Variants in PAK3 observed in about 807,000 individuals in gnomAD.
PAK3 encodes serine/threonine-protein kinase PAK 3.
In PAK3, 4 loss-of-function variants were observed where a neutral mutation model predicts 41.0. The ratio of observed to expected loss-of-function variants is 0.10; its 90% CI spans 0.05 to 0.22. The LOEUF is 0.22. Ranked by LOEUF, PAK3 falls within the 10% of genes least tolerant of loss-of-function variation. The pLI, the probability that PAK3 is intolerant of heterozygous loss-of-function variation, is 1.00. For missense variants in PAK3, 205 were observed against 409.9 expected (o/e 0.50, Z 4.32); for synonymous variants, 146 against 139.6 (o/e 1.05, Z -0.32).
intron 1 of PAK3, among the ~76,000 whole-genome samples, chrX:111,019,190 G>C: frequency 9.0e-6 from 1 of 111,448 alleles, no homozygotes; most frequent in Non-Finnish European, 1.9e-5. Context: ...ATTTGGCAAT[G>C]ATTTATTGTA....
intron 13 of PAK3, among the ~76,000 whole-genome samples, chrX:111,193,127 C>G (rs988817003): frequency 2.7e-5 from 3 of 111,474 alleles, no homozygotes; most frequent in Non-Finnish European, 5.6e-5. Flanking sequence ...AAAGGCAGCA[C>G]TAACTCTTCA....
At chrX:111,023,501 CCCA>C (rs1363678096) in intron 1 of PAK3, among the ~76,000 whole-genome samples, 3 of 112,197 alleles carry the variant, frequency 2.7e-5, no homozygotes, top group African/African-American at 9.7e-5. Flanking sequence ...AATTTACACT[CCCA>C]CCAACAGTGT....
intron 4 of PAK3, among the ~76,000 whole-genome samples, chrX:111,104,168 ACTT>A (rs1333490699): frequency 9.0e-6 from 1 of 111,301 alleles, no homozygotes; most frequent in Non-Finnish European, 1.9e-5. Flanking sequence ...AGGCATTATA[ACTT>A]CTTCTGTCAG....
intron 1 of PAK3, among the ~76,000 whole-genome samples, chrX:111,041,171 A>C (rs2148770520): frequency 8.9e-6 from 1 of 112,844 alleles, no homozygotes; most frequent in African/African-American, 3.2e-5. Context: ...TCTCTGAGAG[A>C]AATGAAGCAA....
At chrX:111,148,180 C>G (rs2093976897) in intron 7 of PAK3, among the ~76,000 whole-genome samples, 1 of 111,888 alleles carries the variant, frequency 8.9e-6, no homozygotes, top group African/African-American at 3.2e-5. Context: ...CACTCAGTCA[C>G]TTACTGGGCT....
intron 11 of PAK3, among the ~76,000 whole-genome samples, chrX:111,186,965 T>G (rs992769537): frequency 2.7e-5 from 3 of 111,879 alleles, no homozygotes; most frequent in African/African-American, 9.7e-5. Flanking sequence ...GAGTATACAC[T>G]ACTGTGCTTC....
At chrX:111,066,454 A>T (rs2092702180) in intron 1 of PAK3, among the ~76,000 whole-genome samples, 1 of 112,146 alleles carries the variant, frequency 8.9e-6, no homozygotes. Flanking sequence ...TTGATTTTTT[A>T]AAAATTTATT....
chrX:111,049,742 A>G (rs897684871), intron 1 of PAK3, among the ~76,000 whole-genome samples: 1 of 112,556 alleles, frequency 8.9e-6, no homozygotes, highest in African/African-American at 3.2e-5. Flanking sequence ...TGAAAGAATA[A>G]GTCAGTGGAA....
At chrX:111,144,306 A>G (rs1309792193) in intron 6 of PAK3, among the ~76,000 whole-genome samples, 1 of 112,164 alleles carries the variant, frequency 8.9e-6, no homozygotes, top group Non-Finnish European at 1.9e-5. Context: ...ATAGAAAGAC[A>G]TAGGCTAAAT....
chrX:111,033,181 C>T (rs2092358498), intron 1 of PAK3, among the ~76,000 whole-genome samples: 2 of 111,375 alleles, frequency 1.8e-5, no homozygotes, highest in African/African-American at 6.5e-5. Context: ...TAGCCCTCTA[C>T]ACATCTGTGT....
At position 111,097,101 on chromosome X, in the gene PAK3, CTT is replaced by C. The variant is rs1220739850; in HGVS notation, c.-352-287_-352-286del. 3.7e-5 allele frequency among the ~76,000 whole-genome samples: 4 copies of C among 109,178 alleles called. No individual in the cohort carries two copies. The Admixed American group carries it at 3.9e-4, about 11-fold the overall frequency. 94.8% of individuals were successfully genotyped at this position (109,178 alleles called of 115,157 possible). ...CTCAGGGTCCCTGGATTGGCCCTCT[CTT>C]TGTCTGGGGAGCAGTGTCATTGGGT... is the stretch of plus-strand genomic sequence containing the variant. On this transcript the variant is annotated intron_variant, in intron 1 of 17. Coordinates refer to ENST00000372007, the MANE Select transcript of PAK3 (RefSeq NM_002578.5).
At chrX:111,129,146 A>G (rs916479018) in intron 5 of PAK3, among the ~76,000 whole-genome samples, 8 of 111,765 alleles carry the variant, frequency 7.2e-5, no homozygotes, top group African/African-American at 2.6e-4. Flanking sequence ...GTTTTGGTCA[A>G]TGCATATTAC....
At chrX:111,086,061 T>TTGTGTGTGTGTG (rs754802946) in intron 1 of PAK3, among the ~76,000 whole-genome samples, 1 of 81,754 alleles carries the variant, frequency 1.2e-5, no homozygotes, top group African/African-American at 4.4e-5. Context: ...TGATGTCAGC[T>TTGTGTGTGTGTG]TGTGTGTGTG....
intron 1 of PAK3, among the ~76,000 whole-genome samples, chrX:111,088,904 G>A (rs771583566): frequency 1.8e-5 from 2 of 111,890 alleles, no homozygotes; most frequent in Non-Finnish European, 3.8e-5. Flanking sequence ...TGGCAGGGCT[G>A]CTTTTTCTTA....
chrX:111,123,216 C>T lies in PAK3; in HGVS notation c.113C>T (p.Ala38Val). Residue 38 changes from alanine (A) to valine (V), a missense_variant, in exon 5 of 18, where the codon GCC (alanine) becomes GTC (valine). Coordinates refer to ENST00000372007, the MANE Select transcript of PAK3 (RefSeq NM_002578.5). ...LNHSSKPLPM[A>V]PEEKNKKARL... Reference sequence around the variant, plus strand: ...CACAGCTCCAAACCACTTCCCATGGCCCCTGAAGAGAAGAATAAGAAAGCC... The same window carrying T: ...CACAGCTCCAAACCACTTCCCATGGTCCCTGAAGAGAAGAATAAGAAAGCC... The T allele has an allele frequency of 8.3e-7, 1 of 1,208,388 alleles. No homozygotes were observed. Among genetic ancestry groups the T allele is most frequent in the Non-Finnish European group, 1.1e-6 (1 of 892,261 alleles).
At chrX:111,077,872 A>G (rs1440132851) in intron 1 of PAK3, among the ~76,000 whole-genome samples, 1 of 111,859 alleles carries the variant, frequency 8.9e-6, no homozygotes, top group African/African-American at 3.2e-5. Context: ...GAGACACCCT[A>G]TGGAACGGGA....
chrX:111,129,801 A>T (rs1405531440), intron 5 of PAK3, among the ~76,000 whole-genome samples: 2 of 111,566 alleles, frequency 1.8e-5, no homozygotes, highest in African/African-American at 6.5e-5. Context: ...GATACAGAGG[A>T]TGGATGGAAT....
chrX:111,016,493 A>ATG (rs771937279), intron 1 of PAK3, among the ~76,000 whole-genome samples: 10 of 110,969 alleles, frequency 9.0e-5, no homozygotes, highest in African/African-American at 3.0e-4. Flanking sequence ...TCTTAAAAGT[A>ATG]TGTGTGTGTG....
chrX:110,963,444 T>A (rs775143292), intron 1 of PAK3, among the ~76,000 whole-genome samples: 3 of 111,779 alleles, frequency 2.7e-5, no homozygotes, highest in East Asian at 5.7e-4. Context: ...AAGTGCACAC[T>A]CTTACCTATA....
Sources: gnomAD v4.1 joint callset for allele counts (sites outside exome capture counted in the v4.1 genomes callset) on GRCh38, gnomAD v4.1.1 for gene constraint, MANE v1.5 for transcripts, NCBI Gene and HGNC (gene_info 2026-07-23, HGNC 2026-07-21) for gene names.